PDGFRL: variants seen among roughly 807,000 people sequenced by gnomAD.
PDGFRL encodes the protein platelet-derived growth factor receptor-like protein.
Under a neutral mutation model 37.2 loss-of-function variants are expected in PDGFRL, and 46 were observed. The ratio of observed to expected loss-of-function variants is 1.24; its 90% CI spans 0.98 to 1.58. The LOEUF (loss-of-function observed/expected upper bound fraction) is 1.58, where lower values mean the gene tolerates loss of function less well. Ranked by LOEUF, PDGFRL falls within the 40% of genes most tolerant of loss-of-function variation. The probability of loss-of-function intolerance (pLI) is 0.00; values close to 1 mark genes in which losing one functional copy is unlikely to be tolerated. For synonymous variants in PDGFRL, 251 were observed against 184.3 expected (o/e 1.36, Z -2.93); for missense variants, 692 against 467.6 (o/e 1.48, Z -4.43).
intron 1 of PDGFRL, among the ~76,000 whole-genome samples, chr8:17,583,231 G>A (rs533402101): frequency 3.0e-4 from 46 of 152,202 alleles, no homozygotes; most frequent in Admixed American, 9.8e-4. Context: ...CCCTACCAGG[G>A]CACTGCCTAG....
chr8:17,628,791 C>T lies in PDGFRL; in HGVS notation c.799+11C>T. 1.3e-6 allele frequency: 2 copies of T among 1,599,306 alleles called. No homozygotes were observed. Among genetic ancestry groups the T allele is most frequent in the Non-Finnish European group, 1.7e-6 (2 of 1,167,138 alleles). ...TGCTCTATGTGGCGGGTAAGCCTGG[C>T]CACCCCTGCCTAGATTCTAGTTAGT... On this transcript the variant is annotated intron_variant, in intron 4 of 5. Coordinates refer to ENST00000251630, the MANE Select transcript of PDGFRL (RefSeq NM_001372073.1).
chr8:17,623,650 G>A (rs896723851), intron 3 of PDGFRL, among the ~76,000 whole-genome samples: 5 of 152,048 alleles, frequency 3.3e-5, no homozygotes, highest in South Asian at 4.1e-4. Flanking sequence ...CACGGCGGGC[G>A]GATCACCTGA....
At chr8:17,634,705 A>T (rs764817595) in intron 5 of PDGFRL, among the ~76,000 whole-genome samples, 4 of 152,286 alleles carry the variant, frequency 2.6e-5, no homozygotes, top group Non-Finnish European at 2.9e-5. Flanking sequence ...ATCCTTAGCA[A>T]ACTAACACAG....
At chr8:17,592,539 A>C (rs916724094) in intron 2 of PDGFRL, among the ~76,000 whole-genome samples, 6 of 152,134 alleles carry the variant, frequency 3.9e-5, no homozygotes, top group Admixed American at 3.3e-4. Flanking sequence ...CGTCCTCTGG[A>C]GTCACCTCTA....
chr8:17,620,712 A>C (rs1212240206), intron 2 of PDGFRL, among the ~76,000 whole-genome samples: 3 of 152,184 alleles, frequency 2.0e-5, no homozygotes, highest in East Asian at 3.9e-4. Flanking sequence ...TTATGAATAA[A>C]ATTTTTTGAA....
At chr8:17,603,653 C>G (rs1585311887) in intron 2 of PDGFRL, among the ~76,000 whole-genome samples, 2 of 152,266 alleles carry the variant, frequency 1.3e-5, no homozygotes, top group South Asian at 4.1e-4. Flanking sequence ...TAAGCATCTA[C>G]TATGTTTGTG....
chr8:17,596,535 G>A (rs201785116), intron 2 of PDGFRL, among the ~76,000 whole-genome samples: 1 of 152,146 alleles, frequency 6.6e-6, no homozygotes, highest in Non-Finnish European at 1.5e-5. Flanking sequence ...CATGCTTGAA[G>A]TTTTAGTATT....
intron 2 of PDGFRL, among the ~76,000 whole-genome samples, chr8:17,597,098 G>A (rs1394155942): frequency 1.3e-5 from 2 of 152,156 alleles, no homozygotes; most frequent in African/African-American, 4.8e-5. Context: ...TCAGCTCACT[G>A]CAACCTCTAC....
At chr8:17,589,795 G>A (rs376230483) in intron 2 of PDGFRL, 30 bp downstream of exon 2, 3 of 1,387,538 alleles carry the variant, frequency 2.2e-6, no homozygotes, top group South Asian at 2.5e-5. Flanking sequence ...ACTGTGTAGG[G>A]TTGAGGATTT....
chr8:17,641,131 A>G (rs1487662291), intron 5 of PDGFRL, among the ~76,000 whole-genome samples: 1 of 152,154 alleles, frequency 6.6e-6, no homozygotes, highest in South Asian at 2.1e-4. Flanking sequence ...GTCCCTGCCA[A>G]CAGCACCGAG....
chr8:17,633,480 A>T (rs1226467529), intron 4 of PDGFRL, among the ~76,000 whole-genome samples: 1 of 152,182 alleles, frequency 6.6e-6, no homozygotes. Context: ...GTGAGCCGAG[A>T]TCGCGCAGCT....
intron 2 of PDGFRL, among the ~76,000 whole-genome samples, chr8:17,598,347 G>A (rs558851324): frequency 1.3e-5 from 2 of 152,228 alleles, no homozygotes; most frequent in African/African-American, 4.8e-5. Context: ...TATAATCTGG[G>A]ATCTGTGTCC....
chr8:17,602,271 A>T (rs1363949938), intron 2 of PDGFRL, among the ~76,000 whole-genome samples: 1 of 152,104 alleles, frequency 6.6e-6, no homozygotes, highest in East Asian at 1.9e-4. Flanking sequence ...TTTGACAGAT[A>T]AGGGAACTGA....
At chr8:17,599,031 A>C (rs914795700) in intron 2 of PDGFRL, among the ~76,000 whole-genome samples, 12 of 152,206 alleles carry the variant, frequency 7.9e-5, no homozygotes, top group Admixed American at 5.2e-4. Context: ...AGAACAGACT[A>C]ATACAGAACC....
chr8:17,585,057 C>A (rs991302956), intron 1 of PDGFRL, among the ~76,000 whole-genome samples: 2 of 152,152 alleles, frequency 1.3e-5, no homozygotes, highest in Admixed American at 6.5e-5. Context: ...TATAGGATGA[C>A]TTCCTGATGT....
intron 5 of PDGFRL, among the ~76,000 whole-genome samples, chr8:17,640,337 G>A (rs1805065384): frequency 6.6e-6 from 1 of 152,082 alleles, no homozygotes; most frequent in Non-Finnish European, 1.5e-5. Flanking sequence ...TGATCTTCTG[G>A]GGTGTTAAAG....
At chr8:17,617,249 C>G (rs545384275) in intron 2 of PDGFRL, among the ~76,000 whole-genome samples, 1 of 152,300 alleles carries the variant, frequency 6.6e-6, no homozygotes, top group East Asian at 1.9e-4. Context: ...AGGCCAGAGG[C>G]AAGCTGATGT....
intron 3 of PDGFRL, among the ~76,000 whole-genome samples, chr8:17,626,626 G>A (rs982178358): frequency 2.0e-5 from 3 of 152,144 alleles, no homozygotes; most frequent in African/African-American, 7.2e-5. Context: ...ACACAAGAAA[G>A]CATGTAATAC....
intron 3 of PDGFRL, among the ~76,000 whole-genome samples, chr8:17,623,048 T>C (rs578060740): frequency 1.3e-5 from 2 of 152,346 alleles, no homozygotes; most frequent in East Asian, 3.9e-4. Context: ...GCCTCCTGCC[T>C]CTATCAGTTT....
Sources: allele counts gnomAD v4.1 joint callset (sites outside exome capture counted in the v4.1 genomes callset), GRCh38; gene constraint gnomAD v4.1.1; transcripts MANE v1.5; gene names NCBI Gene and HGNC (gene_info 2026-07-23, HGNC 2026-07-21).